Variants in LRRK2 observed in about 807,000 individuals in gnomAD.
LRRK2 encodes the protein leucine rich repeat kinase 2.
LRRK2 carries 203 observed loss-of-function variants against 302.6 expected under a neutral mutation model. The ratio of observed to expected loss-of-function variants is 0.67; its 90% CI spans 0.60 to 0.75. The LOEUF is 0.75. LRRK2 is among the 30% of genes least tolerant of loss of function. The pLI is 0.00. For synonymous variants in LRRK2, 1,066 were observed against 1,031.9 expected (o/e 1.03, Z -0.63); for missense variants, 2,830 against 2,951.0 (o/e 0.96, Z 0.95).
intron 33 of LRRK2, among the ~76,000 whole-genome samples, chr12:40,316,767 G>A (rs147939650): frequency 6.6e-6 from 1 of 152,046 alleles, no homozygotes; most frequent in Non-Finnish European, 1.5e-5. Flanking sequence ...AGGTACTTAC[G>A]TAGTTTTGGA....
rs200070955 is a variant in LRRK2, at chr12:40,287,343, A to G, written c.2501-8A>G. On this transcript the variant is annotated splice_polypyrimidine_tract_variant and splice_region_variant and intron_variant, in intron 19 of 50. Transcript: ENST00000298910. ...TTTCTAAGTTGCTGGTGTATCTCTT[A>G]TTTTCAGATATAGCATCTACACTAG... 6.3e-7 allele frequency: 1 copy of G among 1,578,304 alleles called. No individual in the cohort carries two copies. The highest frequency in any genetic ancestry group is 8.7e-7 in the Non-Finnish European group (1 of 1,151,520).
chr12:40,228,703 G>A (rs948504767), intron 2 of LRRK2, among the ~76,000 whole-genome samples: 1 of 151,890 alleles, frequency 6.6e-6, no homozygotes, highest in Admixed American at 6.6e-5. Flanking sequence ...TTTCCCCAGT[G>A]TTTTCTTCTA....
chr12:40,275,005 A>G lies in LRRK2; in HGVS notation c.1941+12A>G, dbSNP rs761986756. On this transcript the variant is annotated intron_variant, in intron 16 of 50. Transcript: ENST00000298910. ...AAATACAGACTAAAGTATGTGCATT[A>G]TCTTGGAAAGAATTTGGGAACTTGT... is the stretch of plus-strand genomic sequence containing the variant. 1 of 1,613,756 alleles carries G rather than the reference A, an allele frequency of 6.2e-7. No homozygotes were observed. The highest frequency in any genetic ancestry group is 8.5e-7 in the Non-Finnish European group (1 of 1,179,832).
intron 42 of LRRK2, among the ~76,000 whole-genome samples, chr12:40,347,581 C>T (rs1301457602): frequency 6.6e-6 from 1 of 152,174 alleles, no homozygotes. Flanking sequence ...ACTTCAAGAT[C>T]ATGGCAAAAG....
intron 44 of LRRK2, among the ~76,000 whole-genome samples, chr12:40,352,979 C>T (rs373318301): frequency 6.6e-6 from 1 of 152,272 alleles, no homozygotes; most frequent in Non-Finnish European, 1.5e-5. Flanking sequence ...GCTGGGTACA[C>T]CTCCCAGACG....
Position 40,335,127 on chromosome 12 carries a change from G to A in LRRK2, c.5918G>A (p.Arg1973Lys), listed in dbSNP as rs1355135088. 1 of 1,614,066 alleles carries A rather than the reference G, an allele frequency of 6.2e-7. No individual in the cohort carries two copies. The highest frequency in any genetic ancestry group is 1.1e-5 in the South Asian group (1 of 91,078). The part of the protein sequence containing the change: ...KASLTRTLQH[R>K]IALHVADGLR... ...AGCCTCACTAGAACCCTACAGCACA[G>A]GATTGCACTCCACGTAGCTGATGGT... Residue 1973 changes from arginine to lysine, a missense_variant, in exon 40 of 51, where the codon AGG (arginine) becomes AAG (lysine). By Grantham distance (26) the Arg-to-Lys change is conservative. This residue lies in a region of LRRK2 where 253 missense variants were observed against 346.7 expected (regional missense o/e 0.73). Coordinates refer to ENST00000298910, the MANE Select transcript of LRRK2 (RefSeq NM_198578.4).
Position 40,259,513 on chromosome 12 carries a change from C to T in LRRK2, c.1452C>T (p.Val484=). ...CCCTGGATATAATGGCAGCAGTGGT[C>T]CCCAAAATACTAACAGTTATGAAAC... is the stretch of plus-strand genomic sequence containing the variant. The part of the protein sequence containing the change: ...NTSLDIMAAV[V]PKILTVMKRH... Residue 484 remains valine (V), a synonymous_variant, in exon 13 of 51, where the codon GTC becomes GTT. Transcript: ENST00000298910. 2 of 1,613,256 alleles carry T rather than the reference C, an allele frequency of 1.2e-6. No individual in the cohort carries two copies. The highest frequency in any genetic ancestry group is 2.7e-5 in the African/African-American group (2 of 74,954).
At chr12:40,238,187 A>G in intron 5 of LRRK2, 84 bp downstream of exon 5, 3 of 1,378,772 alleles carry the variant, frequency 2.2e-6, no homozygotes, top group Non-Finnish European at 3.0e-6. Context: ...TTATAATAAG[A>G]AGAAGGTTTC....
intron 16 of LRRK2, 103 bp from the exon 17 acceptor site, chr12:40,277,785 A>C: frequency 9.3e-7 from 1 of 1,074,912 alleles, no homozygotes; most frequent in Admixed American, 2.2e-5. Flanking sequence ...AGTTAAATGA[A>C]CATCCTAGGT....
Position 40,334,994 on chromosome 12 carries a change from C to T in LRRK2, c.5785C>T (p.His1929Tyr). ...GCTTGTGGTGCTTTGCCACCTCCAC[C>T]ACCCCAGTTTGATATCTTTGCTGGC... ...QELVVLCHLH[H>Y]PSLISLLAAG... The change falls in exon 40 of 51, where the codon CAC becomes TAC. Residue 1929 changes from histidine to tyrosine, a missense_variant. By Grantham distance (83) the His-to-Tyr change is moderately conservative. Around this residue, in one of 3 missense-constraint regions of LRRK2, gnomAD observed 253 missense variants for 346.7 expected, o/e 0.73. Coordinates refer to ENST00000298910, the MANE Select transcript of LRRK2 (RefSeq NM_198578.4). 1 of 1,614,050 alleles carries T rather than the reference C, an allele frequency of 6.2e-7. No individual in the cohort carries two copies. The highest frequency in any genetic ancestry group is 8.5e-7 in the Non-Finnish European group (1 of 1,179,978).
intron 39 of LRRK2, among the ~76,000 whole-genome samples, chr12:40,331,371 T>C (rs1374555685): frequency 3.3e-5 from 5 of 152,204 alleles, no homozygotes; most frequent in Non-Finnish European, 5.9e-5. Context: ...GCTGAGACCA[T>C]ACCTGCCAAA....
chr12:40,298,778 A>AATATATATAT lies in LRRK2; in HGVS notation c.3347+297_3347+306dup, dbSNP rs113272586. Reference sequence around the variant, plus strand: ...CAGAGGCGAGACTCTGTCTCAAAGAAATATATATATATATATATATAATAT... The same window carrying AATATATATAT: ...CAGAGGCGAGACTCTGTCTCAAAGAAATATATATATATATATATATATATATATATAATAT... On this transcript the variant is annotated intron_variant, in intron 24 of 50. Transcript: ENST00000298910. 0.06 allele frequency among the ~76,000 whole-genome samples: 3,640 copies of AATATATATAT among 60,866 alleles called. 588 individuals carry two copies. The highest frequency in any genetic ancestry group is 0.091 in the Middle Eastern group (12 of 132). The allele number at this position is 60,866 out of a possible 152,430, so 39.9% of individuals were successfully genotyped here.
intron 7 of LRRK2, among the ~76,000 whole-genome samples, chr12:40,247,286 G>A (rs986417801): frequency 6.6e-6 from 1 of 151,690 alleles, no homozygotes; most frequent in African/African-American, 2.4e-5. Context: ...CACAACTTTA[G>A]TTTGTTATTT....
rs945483093 is a variant in LRRK2, at chr12:40,243,618, G to T, written c.775G>T (p.Ala259Ser). 1.5e-5 allele frequency: 24 copies of T among 1,612,040 alleles called. No individual in the cohort carries two copies. The highest frequency in any genetic ancestry group is 1.6e-4 in the Middle Eastern group (1 of 6,062). Reference sequence around the variant, plus strand: ...TAATATTGTGGTGGAAGCTATGAAAGCATTCCCTATGAGTGAAAGAATTCA... The same window carrying T: ...TAATATTGTGGTGGAAGCTATGAAATCATTCCCTATGAGTGAAAGAATTCA... ...CYNIVVEAMK[A>S]FPMSERIQEV... Residue 259 changes from alanine (A) to serine (S), a missense_variant, in exon 7 of 51, where the codon GCA becomes TCA. By Grantham distance (99) the Ala-to-Ser change is moderately conservative. This residue lies in a region of LRRK2 where 2,121 missense variants were observed against 2,148.0 expected (regional missense o/e 0.99). Coordinates refer to ENST00000298910, the MANE Select transcript of LRRK2 (RefSeq NM_198578.4).
intron 39 of LRRK2, among the ~76,000 whole-genome samples, 197 bp from the exon 40 acceptor site, chr12:40,334,770 A>C (rs942400542): frequency 1.3e-5 from 2 of 152,192 alleles, no homozygotes; most frequent in Admixed American, 6.5e-5. Flanking sequence ...TGTTGTCCAT[A>C]GGTCAACTGT....
At position 40,305,975 on chromosome 12, in the gene LRRK2, A is replaced by T. The variant is rs1028359361; in HGVS notation, c.3959+9A>T. ...GCCAAAGACATCATAAGGTTAGATA[A>T]TTTTTTTCTATTTGGTTTTACTAAA... On this transcript the variant is annotated intron_variant, in intron 28 of 50. Transcript: ENST00000298910. 6.3e-7 allele frequency: 1 copy of T among 1,591,208 alleles called. No individual in the cohort carries two copies. The highest frequency in any genetic ancestry group is 8.6e-7 in the Non-Finnish European group (1 of 1,163,392).
chr12:40,351,717 A>G lies in LRRK2; in HGVS notation c.6560A>G (p.Glu2187Gly). Residue 2187 changes from glutamate to glycine, a missense_variant, in exon 44 of 51, where the codon GAA becomes GGA. Coordinates refer to ENST00000298910, the MANE Select transcript of LRRK2 (RefSeq NM_198578.4). ...GQLSFLDLNT[E>G]GYTSEEVADS... ...CTCTCATTTCTTGACTTAAATACTGAAGGATACACTTCTGAGGTAAATCCA... is the reference window on the plus strand; with the variant it reads ...CTCTCATTTCTTGACTTAAATACTGGAGGATACACTTCTGAGGTAAATCCA... 1 of 1,614,164 alleles carries G rather than the reference A, an allele frequency of 6.2e-7. No homozygotes were observed.
intron 3 of LRRK2, among the ~76,000 whole-genome samples, chr12:40,233,091 C>T (rs1246341707): frequency 6.6e-6 from 1 of 152,080 alleles, no homozygotes; most frequent in East Asian, 1.9e-4. Context: ...TTCTAAGCTA[C>T]TGAGGAGGCT....
chr12:40,353,459 C>T (rs928557527), intron 44 of LRRK2, among the ~76,000 whole-genome samples: 13 of 149,432 alleles, frequency 8.7e-5, no homozygotes, highest in South Asian at 2.1e-4. Flanking sequence ...ACTTCCTAGA[C>T]GGGATGGCGG....
Sources: allele counts gnomAD v4.1 joint callset (sites outside exome capture counted in the v4.1 genomes callset), GRCh38; gene constraint gnomAD v4.1.1; regional missense constraint gnomAD v4.1.1; transcripts MANE v1.5; gene names NCBI Gene and HGNC (gene_info 2026-07-23, HGNC 2026-07-21).